Variants in JKAMP observed in about 807,000 individuals in gnomAD.
JKAMP encodes JNK1/MAPK8 associated membrane protein, also known as JNK1/MAPK8-associated membrane protein.
Under a neutral mutation model 40.2 loss-of-function variants are expected in JKAMP, and 20 were observed. The ratio of observed to expected loss-of-function variants is 0.50; its 90% CI spans 0.35 to 0.72. The LOEUF (loss-of-function observed/expected upper bound fraction) is 0.72, where lower values mean the gene tolerates loss of function less well. Among genes scored for constraint, JKAMP ranks in the 30% least tolerant of loss-of-function variants. The pLI, the probability that JKAMP is intolerant of heterozygous loss-of-function variation, is 0.01. For synonymous variants in JKAMP, 138 were observed against 131.6 expected (o/e 1.05, Z -0.33); for missense variants, 276 against 373.0 (o/e 0.74, Z 2.14).
intron 1 of JKAMP, chr14:59,484,865 T>G: frequency 8.5e-7 from 1 of 1,173,910 alleles, no homozygotes; most frequent in Non-Finnish European, 1.2e-6. Flanking sequence ...CTTAGTTTAA[T>G]GTCGAGGGAA....
intron 3 of JKAMP, among the ~76,000 whole-genome samples, chr14:59,492,797 AT>A (rs61117183): frequency 0.013 from 1,689 of 131,948 alleles, 16 homozygotes; most frequent in Middle Eastern, 0.042. Context: ...GAGAGCTGCT[AT>A]TTTTTTTTTT....
chr14:59,504,177 T>G lies in JKAMP; in HGVS notation c.*105T>G. 1.5e-6 allele frequency: 1 copy of G among 685,342 alleles called. No homozygotes were observed. The highest frequency in any genetic ancestry group is 2.5e-6 in the Non-Finnish European group (1 of 401,282). The allele number at this position is 685,342 out of a possible 1,614,324, so 42.5% of individuals were successfully genotyped here. A position where few individuals can be genotyped will look rare whatever the true frequency, so the allele number is the denominator to read the frequency against. Reference sequence around the variant, plus strand: ...TATTCTATCATATATGGGAACAAGATTGTCAGTATATCTTAATGTTTGGGT... The same window carrying G: ...TATTCTATCATATATGGGAACAAGAGTGTCAGTATATCTTAATGTTTGGGT... On this transcript the variant is annotated 3_prime_UTR_variant, in exon 7 of 7. Transcript: ENST00000616435.
intron 6 of JKAMP, among the ~76,000 whole-genome samples, chr14:59,501,989 A>G (rs1329560200): frequency 6.6e-6 from 1 of 152,182 alleles, no homozygotes; most frequent in Non-Finnish European, 1.5e-5. Context: ...TATATTTTCA[A>G]ATATTCTAAA....
intron 1 of JKAMP, 58 bp from the exon 2 acceptor site, chr14:59,486,655 G>T: frequency 8.4e-7 from 1 of 1,193,486 alleles, no homozygotes; most frequent in Non-Finnish European, 1.2e-6. Flanking sequence ...AGCTATTATT[G>T]CAATTATTTT....
At chr14:59,499,453 G>C (rs755700008) in intron 5 of JKAMP, among the ~76,000 whole-genome samples, 1 of 152,086 alleles carries the variant, frequency 6.6e-6, no homozygotes, top group Non-Finnish European at 1.5e-5. Flanking sequence ...ACCTTTTATA[G>C]TAAAAAGTCC....
chr14:59,487,885 C>T, intron 3 of JKAMP, 57 bp downstream of exon 3: 1 of 1,457,834 alleles, frequency 6.9e-7, no homozygotes, highest in South Asian at 1.2e-5. Context: ...AATTATCACT[C>T]AGAAGACCTT....
In JKAMP at chr14:59,505,371, G is replaced by T; in HGVS notation, c.*1299G>T. 1 of 907,770 alleles carries T rather than the reference G, an allele frequency of 1.1e-6. No individual in the cohort carries two copies. Among genetic ancestry groups the T allele is most frequent in the Non-Finnish European group, 1.6e-6 (1 of 630,644 alleles). 56.2% of individuals were successfully genotyped at this position (907,770 alleles called of 1,614,324 possible). A position where few individuals can be genotyped will look rare whatever the true frequency, so the allele number is the denominator to read the frequency against. Reference sequence around the variant, plus strand: ...TTATTTGTATTGCACACATTTGGGGGGTTATTAGTGTTCATTAAAATTCTG... The same window carrying T: ...TTATTTGTATTGCACACATTTGGGGTGTTATTAGTGTTCATTAAAATTCTG... On this transcript the variant is annotated 3_prime_UTR_variant, in exon 7 of 7. Coordinates refer to ENST00000616435, the MANE Select transcript of JKAMP (RefSeq NM_016475.5).
At chr14:59,497,551 T>A (rs1459171512) in intron 4 of JKAMP, among the ~76,000 whole-genome samples, 1 of 152,232 alleles carries the variant, frequency 6.6e-6, no homozygotes, top group East Asian at 1.9e-4. Flanking sequence ...TTTCTTTTGC[T>A]GTTGATAAGA....
At chr14:59,484,748 C>T in intron 1 of JKAMP, 155 bp downstream of exon 1, 2 of 1,053,310 alleles carry the variant, frequency 1.9e-6, no homozygotes, top group Non-Finnish European at 1.4e-6. Context: ...GCTCCGCACT[C>T]CTGCGGGGTT....
rs145599491 is a variant in JKAMP at position 59,487,313 on chromosome 14, TATA to T, written c.97-355_97-353del. 8.1e-3 allele frequency: 1,276 copies of T among 156,838 alleles called. 16 individuals are homozygous for T. Among genetic ancestry groups the T allele is most frequent in the East Asian group, 0.039 (215 of 5,450 alleles). The allele number at this position is 156,838 out of a possible 1,614,324, so 9.7% of individuals were successfully genotyped here. A position where few individuals can be genotyped will look rare whatever the true frequency, so the allele number is the denominator to read the frequency against. On this transcript the variant is annotated intron_variant, in intron 2 of 6. Transcript: ENST00000616435. ...TATTTTTTAAAACATTTAATAATTT[TATA>T]ATAATTTCTAATTTATGATTTGGTA...
intron 5 of JKAMP, chr14:59,500,962 T>C: frequency 2.2e-6 from 1 of 451,248 alleles, no homozygotes; most frequent in Non-Finnish European, 3.9e-6. Flanking sequence ...CCACTACAAC[T>C]GCAGAGCTGG....
chr14:59,503,962 C>G lies in JKAMP; in HGVS notation c.826C>G (p.Gln276Glu), dbSNP rs1408143887. 1 of 1,613,520 alleles carries G rather than the reference C, an allele frequency of 6.2e-7. No individual in the cohort carries two copies. Among genetic ancestry groups the G allele is most frequent in the East Asian group, 2.2e-5 (1 of 44,862 alleles). Reference sequence around the variant, plus strand: ...CATTTCCAGAGTGGATAAACTTGAGCAAGATTTGCCCCTTTTGGCTTTGGT... The same window carrying G: ...CATTTCCAGAGTGGATAAACTTGAGGAAGATTTGCCCCTTTTGGCTTTGGT... ...ISISRVDKLEQDLPLLALVPT... is the reference protein window; with the variant it reads ...ISISRVDKLEEDLPLLALVPT... Residue 276 changes from glutamine (Q) to glutamate (E), a missense_variant, in exon 7 of 7, where the codon CAA becomes GAA. Coordinates refer to ENST00000616435, the MANE Select transcript of JKAMP (RefSeq NM_016475.5).
At chr14:59,486,890 T>C (rs1415495566) in intron 2 of JKAMP, 86 bp downstream of exon 2, 1 of 939,736 alleles carries the variant, frequency 1.1e-6, no homozygotes, top group East Asian at 2.6e-5. Flanking sequence ...TTTGTTATTA[T>C]ACTCATTAAT....
chr14:59,486,933 G>A, intron 2 of JKAMP, 129 bp downstream of exon 2: 1 of 680,042 alleles, frequency 1.5e-6, no homozygotes, highest in Non-Finnish European at 2.5e-6. Context: ...AGGCGCAGTG[G>A]CTCATGCCTG....
intron 4 of JKAMP, among the ~76,000 whole-genome samples, chr14:59,496,214 C>T (rs1275215852): frequency 6.6e-6 from 1 of 151,804 alleles, no homozygotes; most frequent in Non-Finnish European, 1.5e-5. Context: ...CCTCTCCCTG[C>T]CAGTTCTTAG....
chr14:59,484,716 A>G, intron 1 of JKAMP, 123 bp downstream of exon 1: 1 of 1,246,902 alleles, frequency 8.0e-7, no homozygotes, highest in Non-Finnish European at 1.1e-6. Context: ...TCGCCCCTTG[A>G]CCCCGCCCGC....
intron 1 of JKAMP, chr14:59,485,195 T>C (rs1890440252): frequency 6.7e-7 from 1 of 1,482,998 alleles, no homozygotes; most frequent in African/African-American, 1.4e-5. Context: ...CTTTAGATTA[T>C]TGATATTCAC....
intron 4 of JKAMP, among the ~76,000 whole-genome samples, chr14:59,496,135 G>T (rs1891426993): frequency 6.6e-6 from 1 of 152,066 alleles, no homozygotes; most frequent in Non-Finnish European, 1.5e-5. Context: ...TGAACTCCTG[G>T]CCTTAAGTGA....
intron 3 of JKAMP, among the ~76,000 whole-genome samples, chr14:59,492,006 G>C (rs1891052414): frequency 6.6e-6 from 1 of 152,056 alleles, no homozygotes; most frequent in South Asian, 2.1e-4. Flanking sequence ...TCTAGTAATG[G>C]CCTCATAGTC....
Sources: gnomAD v4.1 joint callset for allele counts (sites outside exome capture counted in the v4.1 genomes callset) on GRCh38, gnomAD v4.1.1 for gene constraint, MANE v1.5 for transcripts, NCBI Gene and HGNC (gene_info 2026-07-23, HGNC 2026-07-21) for gene names.